DIPK1B: variants seen among roughly 807,000 people sequenced by gnomAD.
DIPK1B encodes family with sequence similarity 69 member B.
In DIPK1B, 17 loss-of-function variants were observed where a neutral mutation model predicts 20.7. The observed-to-expected ratio is 0.82, with a 90% CI of 0.56 to 1.23. The LOEUF (loss-of-function observed/expected upper bound fraction) is 1.23, where lower values mean the gene tolerates loss of function less well. DIPK1B is among the 50% of genes most tolerant of loss of function. The pLI is 0.00. For missense variants in DIPK1B, 648 were observed against 601.8 expected (o/e 1.08, Z -0.80); for synonymous variants, 343 against 276.5 (o/e 1.24, Z -2.39).
intron 1 of DIPK1B, among the ~76,000 whole-genome samples, chr9:136,715,979 G>A (rs1354662291): frequency 6.6e-6 from 1 of 152,082 alleles, no homozygotes; most frequent in Non-Finnish European, 1.5e-5. Flanking sequence ...TTCCCAGCCC[G>A]CGGCTCCCTC....
intron 2 of DIPK1B, among the ~76,000 whole-genome samples, chr9:136,720,008 G>C (rs1846570821): frequency 3.4e-5 from 5 of 148,632 alleles, no homozygotes; most frequent in Admixed American, 3.3e-4. Context: ...GGTTCAGGGG[G>C]CTGTGTGGTC....
At chr9:136,720,160 A>G (rs1178447765) in intron 2 of DIPK1B, among the ~76,000 whole-genome samples, 1 of 151,924 alleles carries the variant, frequency 6.6e-6, no homozygotes, top group African/African-American at 2.4e-5. Context: ...TCCGGTGGCA[A>G]AGGGCCTGCC....
intron 2 of DIPK1B, among the ~76,000 whole-genome samples, chr9:136,719,575 C>T (rs1369874446): frequency 6.6e-6 from 1 of 152,232 alleles, no homozygotes; most frequent in South Asian, 2.1e-4. Context: ...CTGCTGCAGG[C>T]GGGGAACAGG....
At position 136,722,154 on chromosome 9, in the gene DIPK1B, T is replaced by G. The variant is rs1186128317; in HGVS notation, c.336T>G (p.Asp112Glu). 1.2e-6 allele frequency: 2 copies of G among 1,613,782 alleles called. No individual in the cohort carries two copies. Among genetic ancestry groups the G allele is most frequent in the East Asian group, 4.5e-5 (2 of 44,852 alleles). ...QVYSGLWRDKDVTIKCGIEET... is the reference protein window; with the variant it reads ...QVYSGLWRDKEVTIKCGIEET... ...ACAGCGGGCTCTGGCGGGACAAGGA[T>G]GTAACCATCAAGTGTGGCATTGAGG... The change falls in exon 4 of 5, where the codon GAT (aspartate) becomes GAG (glutamate). Residue 112 changes from aspartate to glutamate, a missense_variant. Coordinates refer to ENST00000371692, the MANE Select transcript of DIPK1B (RefSeq NM_152421.4).
At chr9:136,718,669 G>A (rs1846540237) in intron 2 of DIPK1B, among the ~76,000 whole-genome samples, 1 of 152,232 alleles carries the variant, frequency 6.6e-6, no homozygotes, top group African/African-American at 2.4e-5. Context: ...CTGGCCTGTA[G>A]CAGCGGCCAC....
In DIPK1B at chr9:136,723,589, G is replaced by A. The variant is rs145906422; in HGVS notation, c.1111G>A (p.Ala371Thr). 309 of 1,594,644 alleles carry A rather than the reference G, an allele frequency of 1.9e-4. No individual in the cohort carries two copies. The African/African-American group carries it at 3.3e-3, about 17-fold the overall frequency. The change falls in exon 5 of 5, where the codon GCA (alanine) becomes ACA (threonine). Residue 371 changes from alanine to threonine, a missense_variant. Physicochemically the swap from Ala to Thr is moderately conservative, Grantham distance 58 (BLOSUM62 0). Coordinates refer to ENST00000371692, the MANE Select transcript of DIPK1B (RefSeq NM_152421.4). Reference protein sequence around the residue: ...LIQPNLAKVCALLRGYLLPGA... With the variant: ...LIQPNLAKVCTLLRGYLLPGA... ...CCAGCCCAACCTGGCCAAGGTGTGCGCACTGCTACGGGGCTACCTGCTGCC... is the reference window on the plus strand; with the variant it reads ...CCAGCCCAACCTGGCCAAGGTGTGCACACTGCTACGGGGCTACCTGCTGCC...
intron 4 of DIPK1B, chr9:136,722,743 G>A (rs775006653): frequency 1.8e-5 from 11 of 610,526 alleles, no homozygotes; most frequent in Non-Finnish European, 3.1e-5. Flanking sequence ...CCAGGAGGCG[G>A]GAGGTCTGTC....
Position 136,723,971 on chromosome 9 carries a change from C to A in DIPK1B, c.*197C>A. On this transcript the variant is annotated 3_prime_UTR_variant, in exon 5 of 5. Coordinates refer to ENST00000371692, the MANE Select transcript of DIPK1B (RefSeq NM_152421.4). ...GCAAAGGCGGACATGGACATCCCGG[C>A]AGGAGAGTCCTCCAAGGGGGTTTGT... The A allele has an allele frequency of 1.6e-6, 1 of 613,936 alleles. No individual in the cohort carries two copies. Among genetic ancestry groups the A allele is most frequent in the Non-Finnish European group, 2.8e-6 (1 of 350,908 alleles). The allele number at this position is 613,936 out of a possible 1,614,324, so 38.0% of individuals were successfully genotyped here.
rs145268004 is a variant in DIPK1B at position 136,718,404 on chromosome 9, C to T, written c.198+693C>T. On this transcript the variant is annotated intron_variant, in intron 2 of 4. Transcript: ENST00000371692. ...CACCTCAGGGAGATAGGGCTAAGTCCCCTGGCGTATGTGAGCATGTGTGTG... is the reference window on the plus strand; with the variant it reads ...CACCTCAGGGAGATAGGGCTAAGTCTCCTGGCGTATGTGAGCATGTGTGTG... Among the ~76,000 whole-genome samples the T allele has an allele frequency of 1.4e-3, 214 of 152,276 alleles. 1 individual carries two copies. The highest frequency in any genetic ancestry group is 3.3e-3 in the Admixed American group (51 of 15,302).
intron 1 of DIPK1B, among the ~76,000 whole-genome samples, chr9:136,716,362 G>C (rs1846496819): frequency 6.6e-6 from 1 of 151,222 alleles, no homozygotes; most frequent in African/African-American, 2.4e-5. Flanking sequence ...CAACCTCCCG[G>C]GTTCAATCAA....
chr9:136,720,138 A>G (rs963894174), intron 2 of DIPK1B, among the ~76,000 whole-genome samples: 3 of 151,902 alleles, frequency 2.0e-5, no homozygotes, highest in African/African-American at 7.3e-5. Context: ...TGGTCTGGGG[A>G]CGGGAGTGGA....
rs375792459 is a variant in DIPK1B, at chr9:136,723,573, C to T, written c.1095C>T (p.Asn365=). 1.3e-5 allele frequency: 21 copies of T among 1,597,942 alleles called. No homozygotes were observed. Among genetic ancestry groups the T allele is most frequent in the East Asian group, 2.3e-5 (1 of 44,092 alleles). Reference sequence around the variant, plus strand: ...GCAAGGGCGACCTCATCCAGCCCAACCTGGCCAAGGTGTGCGCACTGCTAC... The same window carrying T: ...GCAAGGGCGACCTCATCCAGCCCAATCTGGCCAAGGTGTGCGCACTGCTAC... ...RQCKGDLIQP[N]LAKVCALLRG... The change falls in exon 5 of 5, where the codon AAC becomes AAT. Residue 365 remains asparagine (N), a synonymous_variant. Transcript: ENST00000371692.
chr9:136,721,966 G>A lies in DIPK1B; in HGVS notation c.244G>A (p.Asp82Asn), dbSNP rs758081104. The A allele has an allele frequency of 1.9e-6, 3 of 1,613,638 alleles. No individual in the cohort carries two copies. The highest frequency in any genetic ancestry group is 2.7e-5 in the African/African-American group (2 of 74,912). ...GATCATCTCGGGCTCCGTCTGCCAG[G>A]ACCTGTGTGAGCTGCATATGGTGGA... is the stretch of plus-strand genomic sequence containing the variant. Reference protein sequence around the residue: ...KGIISGSVCQDLCELHMVEWR... With the variant: ...KGIISGSVCQNLCELHMVEWR... The change falls in exon 3 of 5, where the codon GAC becomes AAC. Residue 82 changes from aspartate to asparagine, a missense_variant. Physicochemically the swap from Asp to Asn is conservative, Grantham distance 23 (BLOSUM62 1). Transcript: ENST00000371692.
chr9:136,718,838 G>A (rs1427841041), intron 2 of DIPK1B, among the ~76,000 whole-genome samples: 1 of 152,208 alleles, frequency 6.6e-6, no homozygotes, highest in Non-Finnish European at 1.5e-5. Context: ...TCTGACGGGG[G>A]CCACATGTGG....
At chr9:136,719,715 T>C (rs538730352) in intron 2 of DIPK1B, among the ~76,000 whole-genome samples, 1 of 152,298 alleles carries the variant, frequency 6.6e-6, no homozygotes, top group Admixed American at 6.5e-5. Context: ...TGGAGGCAGC[T>C]CCATCTCCCC....
At chr9:136,715,257 C>T (rs548556237) in intron 1 of DIPK1B, among the ~76,000 whole-genome samples, 1 of 152,344 alleles carries the variant, frequency 6.6e-6, no homozygotes, top group East Asian at 1.9e-4. Context: ...GTCCCCTCTG[C>T]TGGCCAGTGC....
rs768497308 is a variant in DIPK1B, at chr9:136,717,600, C to T, written c.87C>T (p.Val29=). 1.9e-6 allele frequency: 3 copies of T among 1,601,200 alleles called. No homozygotes were observed. The highest frequency in any genetic ancestry group is 2.2e-5 in the South Asian group (2 of 91,078). The change falls in exon 2 of 5, where the codon GTC becomes GTT. Residue 29 remains valine, a synonymous_variant. Transcript: ENST00000371692. ...RLQGRLPGLR[V]RCIFLAWLGV... ...AGGGCCGGCTCCCAGGCCTCAGGGT[C>T]CGCTGCATCTTCCTGGCCTGGCTGG... is the stretch of plus-strand genomic sequence containing the variant.
Position 136,722,156 on chromosome 9 carries a change from T to C in DIPK1B, c.338T>C (p.Val113Ala). Residue 113 changes from valine (V) to alanine (A), a missense_variant, in exon 4 of 5, where the codon GTA becomes GCA. Coordinates refer to ENST00000371692, the MANE Select transcript of DIPK1B (RefSeq NM_152421.4). ...AGCGGGCTCTGGCGGGACAAGGATG[T>C]AACCATCAAGTGTGGCATTGAGGAG... ...VYSGLWRDKDVTIKCGIEETL... is the reference protein window; with the variant it reads ...VYSGLWRDKDATIKCGIEETL... 1 of 1,613,908 alleles carries C rather than the reference T, an allele frequency of 6.2e-7. No homozygotes were observed. Among genetic ancestry groups the C allele is most frequent in the East Asian group, 2.2e-5 (1 of 44,880 alleles).
chr9:136,715,242 G>A (rs763193053), intron 1 of DIPK1B, among the ~76,000 whole-genome samples: 5 of 152,228 alleles, frequency 3.3e-5, no homozygotes, highest in Non-Finnish European at 7.3e-5. Flanking sequence ...CCCTGTGTAG[G>A]GCAAGTCCCC....
Sources: allele counts gnomAD v4.1 joint callset (sites outside exome capture counted in the v4.1 genomes callset), GRCh38; gene constraint gnomAD v4.1.1; transcripts MANE v1.5; gene names NCBI Gene and HGNC (gene_info 2026-07-23, HGNC 2026-07-21).